The following PLXNA2 variants were observed in gnomAD, a reference collection of about 807,000 sequenced individuals.
PLXNA2 encodes plexin A2, also known as plexin-A2.
PLXNA2 carries 91 observed loss-of-function variants against 193.5 expected under a neutral mutation model. The observed-to-expected ratio is 0.47, with a 90% CI of 0.40 to 0.56. The LOEUF (loss-of-function observed/expected upper bound fraction) is 0.56, where lower values mean the gene tolerates loss of function less well. PLXNA2 is among the 20% of genes least tolerant of loss of function. The pLI is 0.00. For missense variants in PLXNA2, 1,995 were observed against 2,503.2 expected (o/e 0.80, Z 4.33); for synonymous variants, 997 against 1,027.3 (o/e 0.97, Z 0.56).
intron 4 of PLXNA2, among the ~76,000 whole-genome samples, chr1:208,135,901 G>A (rs1668287185): frequency 6.6e-6 from 1 of 152,168 alleles, no homozygotes; most frequent in African/African-American, 2.4e-5. Flanking sequence ...CTGCGTGACT[G>A]CCAAAGCCAA....
At position 208,164,926 on chromosome 1, in the gene PLXNA2, G is replaced by A. The variant is rs1208518034; in HGVS notation, c.1372-22463C>T. Among the ~76,000 whole-genome samples, 3 of 152,250 alleles carry A rather than the reference G, an allele frequency of 2.0e-5. No homozygotes were observed. The East Asian group carries it at 5.8e-4, about 29-fold the overall frequency. On this transcript the variant is annotated intron_variant, in intron 3 of 31. Coordinates refer to ENST00000367033, the MANE Select transcript of PLXNA2 (RefSeq NM_025179.4). ...TTAAAAATACTCTGTTAGCAAAGAG[G>A]CTTAGGTGGGGGCCTTGCCAGGGGA...
Position 208,051,406 on chromosome 1 carries a change from A to G in PLXNA2, c.3011T>C (p.Ile1004Thr). 8.1e-6 allele frequency: 13 copies of G among 1,610,870 alleles called. No homozygotes were observed. Among genetic ancestry groups the G allele is most frequent in the Non-Finnish European group, 1.1e-5 (13 of 1,179,138 alleles). The change falls in exon 16 of 32, where the codon ATC becomes ACC. Residue 1004 changes from isoleucine (I) to threonine (T), a missense_variant. Ile to Thr is a moderately conservative substitution (Grantham distance 89). This residue lies in a region of PLXNA2 where 1,291 missense variants were observed against 1,673.6 expected (regional missense o/e 0.77). Coordinates refer to ENST00000367033, the MANE Select transcript of PLXNA2 (RefSeq NM_025179.4). ...GGATGATGGGGGTGAGACACACACG[A>G]TCTCACTCATTGACCTCCTGACAGG... ...CEFYGRSMSE[I>T]VCVSPPSSNG...
At chr1:208,186,427 G>GA (rs1193512381) in intron 3 of PLXNA2, among the ~76,000 whole-genome samples, 4 of 152,002 alleles carry the variant, frequency 2.6e-5, no homozygotes, top group Admixed American at 1.3e-4. Flanking sequence ...CAAACAAACG[G>GA]AAAAAAACAC....
At chr1:208,144,741 C>T (rs755417975) in intron 3 of PLXNA2, among the ~76,000 whole-genome samples, 2 of 152,196 alleles carry the variant, frequency 1.3e-5, no homozygotes, top group African/African-American at 2.4e-5. Context: ...ATGCTCCGCT[C>T]TTGCCCTCTT....
chr1:208,145,498 A>C (rs1571965585), intron 3 of PLXNA2, among the ~76,000 whole-genome samples: 1 of 152,094 alleles, frequency 6.6e-6, no homozygotes. Flanking sequence ...GCCTTTTCCT[A>C]CATGTTGGCC....
intron 3 of PLXNA2, among the ~76,000 whole-genome samples, chr1:208,146,143 T>C (rs576809376): frequency 3.9e-4 from 60 of 152,318 alleles, no homozygotes; most frequent in African/African-American, 1.3e-3. Flanking sequence ...TCCCCTCCCT[T>C]GATCCCCTTT....
chr1:208,204,121 C>T (rs545177648), intron 3 of PLXNA2, among the ~76,000 whole-genome samples: 3 of 152,278 alleles, frequency 2.0e-5, no homozygotes, highest in East Asian at 3.9e-4. Context: ...TTAAGAATTT[C>T]ACAGGCATTT....
intron 4 of PLXNA2, among the ~76,000 whole-genome samples, chr1:208,137,143 C>T (rs1324451708): frequency 6.6e-6 from 1 of 152,138 alleles, no homozygotes; most frequent in Non-Finnish European, 1.5e-5. Context: ...TCCCATGCCC[C>T]AGCACCCACT....
chr1:208,223,084 T>C (rs1163685702), intron 1 of PLXNA2, among the ~76,000 whole-genome samples: 2 of 152,152 alleles, frequency 1.3e-5, no homozygotes, highest in Non-Finnish European at 2.9e-5. Flanking sequence ...TCAGGGAAGT[T>C]AGCAGCTGTT....
intron 17 of PLXNA2, among the ~76,000 whole-genome samples, chr1:208,050,206 C>T (rs537711203): frequency 6.6e-6 from 1 of 152,368 alleles, no homozygotes; most frequent in East Asian, 1.9e-4. Flanking sequence ...CAACTGCCAA[C>T]CTTATGCCAG....
At chr1:208,211,762 T>C (rs1218428396) in intron 2 of PLXNA2, among the ~76,000 whole-genome samples, 1 of 151,960 alleles carries the variant, frequency 6.6e-6, no homozygotes, top group African/African-American at 2.4e-5. Flanking sequence ...GTTCTGCTAC[T>C]AACTGGTTGT....
intron 6 of PLXNA2, 138 bp downstream of exon 6, chr1:208,098,708 T>C: frequency 1.0e-6 from 1 of 961,956 alleles, no homozygotes; most frequent in South Asian, 1.8e-5. Context: ...GCCATACGTT[T>C]GCTATAAACA....
chr1:208,049,601 G>A (rs1665189975), intron 17 of PLXNA2, among the ~76,000 whole-genome samples: 2 of 152,310 alleles, frequency 1.3e-5, no homozygotes, highest in African/African-American at 4.8e-5. Context: ...ATTTCATGTG[G>A]CCTAGTTACG....
chr1:208,243,196 C>A (rs1263473740), intron 1 of PLXNA2, among the ~76,000 whole-genome samples: 1 of 152,138 alleles, frequency 6.6e-6, no homozygotes, highest in Non-Finnish European at 1.5e-5. Context: ...CTGGAGTGAA[C>A]GCCCCCAAAT....
chr1:208,243,496 G>T, intron 1 of PLXNA2, 147 bp downstream of exon 1: 1 of 152,060 alleles, frequency 6.6e-6, no homozygotes, highest in African/African-American at 2.4e-5. Context: ...CCCACGCGGG[G>T]ACTCGCCCGC....
rs750812212 is a variant in PLXNA2 at position 208,043,090 on chromosome 1, C to T, written c.3988G>A (p.Glu1330Lys). Residue 1330 changes from glutamate to lysine, a missense_variant, in exon 21 of 32, where the codon GAG becomes AAG. Coordinates refer to ENST00000367033, the MANE Select transcript of PLXNA2 (RefSeq NM_025179.4). ...YAMRVLFPGI[E>K]DHPVLRELEV... ...AGCTCCCGCAGGACGGGGTGGTCCT[C>T]GATGCCCGGGAACAGGACTCGCATA... is the stretch of plus-strand genomic sequence containing the variant. 3.7e-6 allele frequency: 6 copies of T among 1,613,868 alleles called. No individual in the cohort carries two copies. Among genetic ancestry groups the T allele is most frequent in the Non-Finnish European group, 4.2e-6 (5 of 1,180,036 alleles).
chr1:208,132,489 C>T (rs567713937), intron 4 of PLXNA2, among the ~76,000 whole-genome samples: 3 of 152,254 alleles, frequency 2.0e-5, no homozygotes, highest in African/African-American at 7.2e-5. Context: ...GTTTGAATTT[C>T]AGTTTTGTTA....
chr1:208,096,781 T>A lies in PLXNA2; in HGVS notation c.1834A>T (p.Ile612Phe), dbSNP rs780199347. 5.6e-6 allele frequency: 9 copies of A among 1,614,172 alleles called. No homozygotes were observed. In the South Asian group the frequency reaches 9.9e-5, roughly 18 times the overall value. Reference protein sequence around the residue: ...VEGQVSGSQVICISPGPKDVP... With the variant: ...VEGQVSGSQVFCISPGPKDVP... ...TCCTTGGGCCCAGGTGAGATGCAGA[T>A]GACCTGGCTCCCGGACACCTGCCCC... Residue 612 changes from isoleucine to phenylalanine, a missense_variant, in exon 7 of 32, where the codon ATC (isoleucine) becomes TTC (phenylalanine). Ile to Phe is a conservative substitution (Grantham distance 21, BLOSUM62 0). This residue lies in a region of PLXNA2 where 702 missense variants were observed against 812.9 expected (regional missense o/e 0.86). Coordinates refer to ENST00000367033, the MANE Select transcript of PLXNA2 (RefSeq NM_025179.4).
intron 8 of PLXNA2, among the ~76,000 whole-genome samples, chr1:208,094,612 C>T (rs1666820176): frequency 1.3e-5 from 2 of 152,166 alleles, no homozygotes; most frequent in African/African-American, 4.8e-5. Flanking sequence ...AGTTCTGTTG[C>T]CCAGATGCTT....
Sources: allele counts gnomAD v4.1 joint callset (sites outside exome capture counted in the v4.1 genomes callset), GRCh38; gene constraint gnomAD v4.1.1; regional missense constraint gnomAD v4.1.1; transcripts MANE v1.5; gene names NCBI Gene and HGNC (gene_info 2026-07-23, HGNC 2026-07-21).